SGK1: variants seen among roughly 807,000 people sequenced by gnomAD.
SGK1 encodes serum/glucocorticoid regulated kinase 1, also known as serine/threonine-protein kinase Sgk1.
SGK1 carries 26 observed loss-of-function variants against 64.2 expected under a neutral mutation model. The observed-to-expected ratio is 0.40, with a 90% CI of 0.30 to 0.56. The LOEUF (loss-of-function observed/expected upper bound fraction) is 0.56. Ranked by LOEUF, SGK1 falls within the 20% of genes least tolerant of loss-of-function variation. The pLI is 0.38. For synonymous variants in SGK1, 265 were observed against 239.7 expected (o/e 1.11, Z -0.98); for missense variants, 519 against 645.6 (o/e 0.80, Z 2.12).
At chr6:134,303,717 G>C (rs1239669614) in intron 1 of SGK1, among the ~76,000 whole-genome samples, 2 of 151,648 alleles carry the variant, frequency 1.3e-5, no homozygotes, top group Non-Finnish European at 2.9e-5. Flanking sequence ...CAAGGAGGTT[G>C]AGGCTGCAGT....
intron 3 of SGK1, among the ~76,000 whole-genome samples, chr6:134,190,916 T>C (rs1367731184): frequency 6.6e-6 from 1 of 152,222 alleles, no homozygotes; most frequent in African/African-American, 2.4e-5. Flanking sequence ...TAGAACATGA[T>C]ACTACTGAAT....
In SGK1 at chr6:134,261,979, G is replaced by T. The variant is rs1776772684; in HGVS notation, c.239C>A (p.Pro80His). Reference protein sequence around the residue: ...GEHAFQRGVLPQENESCSWET... With the variant: ...GEHAFQRGVLHQENESCSWET... ...CCATGAACATGACTCGTTCTCCTGAGGGAGAACCCCTCTTTGGAAAGCATG... is the reference window on the plus strand; with the variant it reads ...CCATGAACATGACTCGTTCTCCTGATGGAGAACCCCTCTTTGGAAAGCATG... The change falls in exon 2 of 14, where the codon CCT (proline) becomes CAT (histidine). Residue 80 changes from proline (P) to histidine (H), a missense_variant. Around this residue, in one of 2 missense-constraint regions of SGK1, gnomAD observed 241 missense variants for 236.9 expected, o/e 1.02. Coordinates refer to ENST00000367858, the MANE Select transcript of SGK1 (RefSeq NM_001143676.3). 6.2e-7 allele frequency: 1 copy of T among 1,613,592 alleles called. No individual in the cohort carries two copies. Among genetic ancestry groups the T allele is most frequent in the African/African-American group, 1.3e-5 (1 of 74,920 alleles).
At chr6:134,212,239 G>A (rs906326997) in intron 2 of SGK1, among the ~76,000 whole-genome samples, 3 of 152,056 alleles carry the variant, frequency 2.0e-5, no homozygotes, top group African/African-American at 7.2e-5. Flanking sequence ...ATTTTTAATA[G>A]AGACGGGGTT....
chr6:134,312,316 G>C (rs1420846346), intron 1 of SGK1, among the ~76,000 whole-genome samples: 1 of 152,120 alleles, frequency 6.6e-6, no homozygotes, highest in African/African-American at 2.4e-5. Context: ...ATAAGAAAAG[G>C]GCCTTTGTTA....
chr6:134,172,610 G>GCC (rs1717835467), intron 9 of SGK1, 52 bp downstream of exon 9: 1 of 1,199,516 alleles, frequency 8.3e-7, no homozygotes, highest in East Asian at 2.3e-5. Flanking sequence ...AACAGCCAGT[G>GCC]CTACGTCTCC....
At chr6:134,274,905 A>C (rs1057081880) in intron 1 of SGK1, among the ~76,000 whole-genome samples, 1 of 152,074 alleles carries the variant, frequency 6.6e-6, no homozygotes, top group Non-Finnish European at 1.5e-5. Flanking sequence ...TTCCAGGTTC[A>C]AGTGAATCTT....
intron 2 of SGK1, among the ~76,000 whole-genome samples, chr6:134,253,596 T>G (rs1040216360): frequency 6.6e-6 from 1 of 152,116 alleles, no homozygotes; most frequent in Non-Finnish European, 1.5e-5. Flanking sequence ...GAGGCTGCAG[T>G]GAGCCCTGAT....
At chr6:134,294,856 C>T (rs569539648) in intron 1 of SGK1, among the ~76,000 whole-genome samples, 42 of 152,266 alleles carry the variant, frequency 2.8e-4, no homozygotes, top group African/African-American at 9.6e-4. Context: ...TGTTAGATAA[C>T]AAAGTCTAGA....
At chr6:134,175,294 C>G (rs1198616823) in intron 3 of SGK1, among the ~76,000 whole-genome samples, 7 of 152,136 alleles carry the variant, frequency 4.6e-5, no homozygotes, top group Admixed American at 4.6e-4. Context: ...TGCAGATACC[C>G]TCTCCCCGGC....
At chr6:134,232,401 A>AAAAG (rs1562259665) in intron 2 of SGK1, among the ~76,000 whole-genome samples, 1 of 21,450 alleles carries the variant, frequency 4.7e-5, no homozygotes, top group African/African-American at 1.2e-4. Flanking sequence ...AGAAAGAAGA[A>AAAAG]AAAGAAAGAA....
At chr6:134,291,967 T>A (rs1336896595) in intron 1 of SGK1, among the ~76,000 whole-genome samples, 1 of 151,464 alleles carries the variant, frequency 6.6e-6, no homozygotes, top group African/African-American at 2.4e-5. Flanking sequence ...TTCAGGAGGC[T>A]GAGGGACAAG....
intron 2 of SGK1, among the ~76,000 whole-genome samples, chr6:134,244,708 C>T (rs1217536100): frequency 1.3e-5 from 2 of 152,234 alleles, no homozygotes; most frequent in East Asian, 1.9e-4. Context: ...AGAAATCACT[C>T]GCCTTCTGCA....
At chr6:134,294,757 C>G (rs183985691) in intron 1 of SGK1, among the ~76,000 whole-genome samples, 2 of 152,038 alleles carry the variant, frequency 1.3e-5, no homozygotes. Flanking sequence ...AGGCTGGTCT[C>G]GAACTCCTGA....
At chr6:134,172,064 T>C (rs1775045372) in intron 10 of SGK1, 129 bp downstream of exon 10, 1 of 1,029,600 alleles carries the variant, frequency 9.7e-7, no homozygotes, top group Non-Finnish European at 1.4e-6. Flanking sequence ...AAATGTATTT[T>C]ATTTGCACTG....
At chr6:134,303,826 G>A (rs145345062) in intron 1 of SGK1, among the ~76,000 whole-genome samples, 1 of 150,148 alleles carries the variant, frequency 6.7e-6, no homozygotes, top group Admixed American at 6.7e-5. Context: ...AAGAAACTTT[G>A]ACACAGTTTC....
At chr6:134,192,645 C>G (rs564525778) in intron 3 of SGK1, among the ~76,000 whole-genome samples, 11 of 150,788 alleles carry the variant, frequency 7.3e-5, no homozygotes, top group Non-Finnish European at 1.3e-4. Flanking sequence ...TCTTGGCTCA[C>G]TGCAAACTCT....
chr6:134,315,236 G>A (rs764275692), intron 1 of SGK1, among the ~76,000 whole-genome samples: 1 of 151,934 alleles, frequency 6.6e-6, no homozygotes, highest in Non-Finnish European at 1.5e-5. Context: ...TTTATCCCTG[G>A]GGCATTCAAT....
chr6:134,244,711 C>T (rs1776499393), intron 2 of SGK1, among the ~76,000 whole-genome samples: 1 of 152,238 alleles, frequency 6.6e-6, no homozygotes, highest in South Asian at 2.1e-4. Context: ...AATCACTCGC[C>T]TTCTGCATTG....
At chr6:134,287,633 T>C (rs914193033) in intron 1 of SGK1, among the ~76,000 whole-genome samples, 4 of 151,670 alleles carry the variant, frequency 2.6e-5, no homozygotes, top group Admixed American at 6.6e-5. Context: ...AAGGATAGTA[T>C]AGGTTGTGTA....
Sources: allele counts gnomAD v4.1 joint callset (sites outside exome capture counted in the v4.1 genomes callset), GRCh38; gene constraint gnomAD v4.1.1; regional missense constraint gnomAD v4.1.1; transcripts MANE v1.5; gene names NCBI Gene and HGNC (gene_info 2026-07-23, HGNC 2026-07-21).